CCDC30: variants seen among roughly 807,000 people sequenced by gnomAD.
CCDC30 encodes coiled-coil domain containing 30.
Under a neutral mutation model 100.2 loss-of-function variants are expected in CCDC30, and 70 were observed. The ratio of observed to expected loss-of-function variants is 0.70; its 90% CI spans 0.58 to 0.85. The LOEUF is 0.85. Ranked by LOEUF, CCDC30 falls within the 40% of genes least tolerant of loss-of-function variation. CCDC30 has a pLI of 0.00. For missense variants in CCDC30, 652 were observed against 771.2 expected, an observed-to-expected ratio of 0.85 and a Z score of 1.83; for synonymous variants, 233 against 269.5, an observed-to-expected ratio of 0.86 and a Z score of 1.33.
chr1:42,573,675 T>G (rs927158535), intron 7 of CCDC30, among the ~76,000 whole-genome samples: 20 of 152,054 alleles, frequency 1.3e-4, no homozygotes, highest in African/African-American at 4.8e-4. Context: ...AAGGAAAAGC[T>G]CTCAAATTTC....
intron 4 of CCDC30, chr1:42,492,485 A>C (rs1038886719): frequency 6.4e-6 from 1 of 157,134 alleles, no homozygotes; most frequent in South Asian, 1.6e-4. Flanking sequence ...GCACTGGTCC[A>C]AGAATCTGTT....
chr1:42,615,865 T>A (rs1033694178), intron 11 of CCDC30, among the ~76,000 whole-genome samples: 2 of 152,156 alleles, frequency 1.3e-5, no homozygotes, highest in African/African-American at 4.8e-5. Flanking sequence ...TATTTTTAAG[T>A]GCACTTATAG....
chr1:42,604,833 C>G (rs1375112754), intron 10 of CCDC30, among the ~76,000 whole-genome samples: 1 of 152,192 alleles, frequency 6.6e-6, no homozygotes, highest in Admixed American at 6.5e-5. Context: ...GACTCTGGAT[C>G]TGTGAGCTGA....
intron 6 of CCDC30, among the ~76,000 whole-genome samples, chr1:42,515,673 C>T (rs1053677218): frequency 6.6e-5 from 10 of 152,130 alleles, no homozygotes; most frequent in African/African-American, 2.4e-4. Context: ...ATTACCTAGT[C>T]TATGGTATTT....
chr1:42,654,041 C>A, exon 17 of CCDC30: 1 of 1,596,342 alleles, frequency 6.3e-7, no homozygotes, highest in Non-Finnish European at 8.6e-7. Flanking sequence ...TCACTGGTGC[C>A]TAAAGCTATA....
At position 42,567,942 on chromosome 1, in the gene CCDC30, T is replaced by TA. The variant is rs200308278; in HGVS notation, c.636+1476dup. On this transcript the variant is annotated intron_variant, in intron 7 of 16. Transcript: ENST00000668663. ...GTTTGTAAAGAGCATGCAGTAAATT[T>TA]AAAAAAAAAGAGAGAGAGAATTTTT... Among the ~76,000 whole-genome samples the TA allele has an allele frequency of 1.3e-3, 196 of 151,438 alleles. 1 individual carries two copies. The highest frequency in any genetic ancestry group is 4.0e-3 in the African/African-American group (166 of 41,324).
chr1:42,605,890 G>T (rs920176093), intron 10 of CCDC30, among the ~76,000 whole-genome samples: 1 of 152,128 alleles, frequency 6.6e-6, no homozygotes, highest in African/African-American at 2.4e-5. Context: ...ACTTGACTGT[G>T]AACAACATGG....
intron 15 of CCDC30, among the ~76,000 whole-genome samples, chr1:42,651,156 A>C (rs1471269477): frequency 6.6e-6 from 1 of 152,216 alleles, no homozygotes; most frequent in Non-Finnish European, 1.5e-5. Flanking sequence ...AAACTACATG[A>C]TATTGACCTG....
chr1:42,473,212 C>T (rs1643825682), intron 1 of CCDC30: 2 of 1,231,410 alleles, frequency 1.6e-6, no homozygotes, highest in East Asian at 6.3e-5. Context: ...CTGTTTGGTG[C>T]TTATTCCAGC....
At chr1:42,521,554 A>G (rs1015567339) in intron 6 of CCDC30, among the ~76,000 whole-genome samples, 6 of 152,090 alleles carry the variant, frequency 3.9e-5, no homozygotes, top group Admixed American at 2.0e-4. Context: ...AGCATCTTGT[A>G]TATGTCTGTT....
At chr1:42,623,015 C>G (rs186181464) in intron 11 of CCDC30, among the ~76,000 whole-genome samples, 1 of 152,246 alleles carries the variant, frequency 6.6e-6, no homozygotes, top group African/African-American at 2.4e-5. Context: ...TGCCTGTTTG[C>G]CATTTGTATG....
chr1:42,490,704 A>G (rs1027844402), intron 4 of CCDC30, among the ~76,000 whole-genome samples: 19 of 152,244 alleles, frequency 1.2e-4, no homozygotes, highest in African/African-American at 4.1e-4. Context: ...AGCAGTTCCA[A>G]GTAGTGAGTA....
rs529622606 is a variant in CCDC30 at position 42,610,417 on chromosome 1, TTTTTGTTTTG to T, written c.1165-545_1165-536del. Among the ~76,000 whole-genome samples the T allele has an allele frequency of 4.3e-3, 655 of 152,186 alleles. 4 individuals carry two copies. The highest frequency in any genetic ancestry group is 0.015 in the African/African-American group (627 of 41,512). The stretch of plus-strand genomic sequence containing the variant: ...ACTTTAAGCTGGGAGATTTTTTGTT[TTTTTGTTTTG>T]TTTTGTTTTGTTTTGAGACAGAGTC... On this transcript the variant is annotated intron_variant, in intron 10 of 16. Transcript: ENST00000668663.
At chr1:42,505,185 A>G (rs984888325) in intron 6 of CCDC30, among the ~76,000 whole-genome samples, 3 of 151,694 alleles carry the variant, frequency 2.0e-5, no homozygotes, top group African/African-American at 4.8e-5. Flanking sequence ...TGGAAGGTCT[A>G]TGAAGTTCCT....
In CCDC30 at chr1:42,628,785, T is replaced by C. The variant is rs138462442; in HGVS notation, c.1278-8452T>C. Among the ~76,000 whole-genome samples, 661 of 152,314 alleles carry C rather than the reference T, an allele frequency of 4.3e-3. 5 individuals are homozygous for C. The highest frequency in any genetic ancestry group is 0.032 in the South Asian group (153 of 4,820). On this transcript the variant is annotated intron_variant, in intron 11 of 16. Transcript: ENST00000668663. ...GAACTGTAAGTCCAATTAAACCTCT[T>C]TTTGTTCCCAGTTTTGAGTATGTAT...
chr1:42,468,796 A>G lies in CCDC30; in HGVS notation c.-92+4898A>G, dbSNP rs531482076. The G allele has an allele frequency of 7.0e-4, 107 of 152,338 alleles. 1 individual carries two copies. Among genetic ancestry groups the G allele is most frequent in the African/African-American group, 1.7e-3 (72 of 41,574 alleles). The allele number at this position is 152,338 out of a possible 1,614,324, so 9.4% of individuals were successfully genotyped here. A position where few individuals can be genotyped will look rare whatever the true frequency, so the allele number is the denominator to read the frequency against. ...TTACCTGACTTGTGTAAGTCACACA[A>G]TTACAAAGTAGCGAAGCCAAGGTTT... On this transcript the variant is annotated intron_variant, in intron 1 of 16. Transcript: ENST00000668663.
chr1:42,519,910 A>G (rs761033668), intron 6 of CCDC30, among the ~76,000 whole-genome samples: 43 of 152,146 alleles, frequency 2.8e-4, no homozygotes, highest in Admixed American at 6.5e-5. Context: ...ATATGCAATT[A>G]TTCATAGTAC....
chr1:42,597,786 G>A (rs914538704), intron 10 of CCDC30, among the ~76,000 whole-genome samples: 2 of 152,014 alleles, frequency 1.3e-5, no homozygotes, highest in African/African-American at 4.8e-5. Flanking sequence ...GATCACTTGA[G>A]CCCAGGAGGT....
At chr1:42,639,807 A>G (rs1254185960) in intron 12 of CCDC30, among the ~76,000 whole-genome samples, 1 of 152,064 alleles carries the variant, frequency 6.6e-6, no homozygotes, top group Non-Finnish European at 1.5e-5. Context: ...TTGGTATATA[A>G]TCTCTTAGAA....
Sources: gnomAD v4.1 joint callset for allele counts (sites outside exome capture counted in the v4.1 genomes callset) on GRCh38, gnomAD v4.1.1 for gene constraint, MANE v1.5 for transcripts, NCBI Gene and HGNC (gene_info 2026-07-23, HGNC 2026-07-21) for gene names.